The following PTPRN2 variants were observed in gnomAD, a reference collection of about 807,000 sequenced individuals.
The protein encoded by PTPRN2 is receptor-type tyrosine-protein phosphatase N2.
A neutral mutation model predicts 118.8 loss-of-function variants in PTPRN2; 74 were observed. The observed-to-expected ratio is 0.62, with a 90% CI of 0.52 to 0.76. The LOEUF (loss-of-function observed/expected upper bound fraction) is 0.76. Among genes scored for constraint, PTPRN2 ranks in the 30% least tolerant of loss-of-function variants. The probability of loss-of-function intolerance (pLI) is 0.00; values close to 1 mark genes in which losing one functional copy is unlikely to be tolerated. For synonymous variants in PTPRN2, 641 were observed against 608.0 expected (o/e 1.05, Z -0.80); for missense variants, 1,481 against 1,394.4 (o/e 1.06, Z -0.99).
chr7:157,602,443 G>C (rs2150578872), intron 16 of PTPRN2, among the ~76,000 whole-genome samples: 1 of 151,786 alleles, frequency 6.6e-6, no homozygotes, highest in African/African-American at 2.4e-5. Context: ...GCCATCAGTG[G>C]CCGCTGAGAC....
In PTPRN2 at chr7:157,708,543, C is replaced by T. The variant is rs370753876; in HGVS notation, c.1789-25606G>A. Reference sequence around the variant, plus strand: ...TCCAGAGTTGGACGGAGGGGCCGTCCCAGGGCTCTCGGTGAGACTGAGAAG... The same window carrying T: ...TCCAGAGTTGGACGGAGGGGCCGTCTCAGGGCTCTCGGTGAGACTGAGAAG... On this transcript the variant is annotated intron_variant, in intron 12 of 22. Coordinates refer to ENST00000389418, the MANE Select transcript of PTPRN2 (RefSeq NM_002847.5). 3.9e-5 allele frequency among the ~76,000 whole-genome samples: 6 copies of T among 152,068 alleles called. No homozygotes were observed. The East Asian group carries it at 9.7e-4, about 25-fold the overall frequency.
intron 12 of PTPRN2, among the ~76,000 whole-genome samples, chr7:157,818,224 GTGTA>G (rs1341760235): frequency 6.6e-6 from 1 of 152,050 alleles, no homozygotes; most frequent in Non-Finnish European, 1.5e-5. Flanking sequence ...TTGCATGCAT[GTGTA>G]TGTGTGTGCC....
intron 11 of PTPRN2, among the ~76,000 whole-genome samples, chr7:158,067,932 G>A (rs560538783): frequency 1.3e-5 from 2 of 152,326 alleles, no homozygotes; most frequent in Admixed American, 1.3e-4. Context: ...TGGTGAGGCG[G>A]CAGGGTCGGG....
chr7:158,070,324 T>TCA (rs1563386194), intron 11 of PTPRN2, among the ~76,000 whole-genome samples: 8 of 131,002 alleles, frequency 6.1e-5, no homozygotes, highest in Non-Finnish European at 1.3e-4. Context: ...GTGGAGGTGC[T>TCA]CGTGGTGTGG....
chr7:157,873,746 G>A (rs1281366456), intron 12 of PTPRN2, among the ~76,000 whole-genome samples: 1 of 152,124 alleles, frequency 6.6e-6, no homozygotes, highest in Non-Finnish European at 1.5e-5. Flanking sequence ...TGGTCTCTGG[G>A]ATGGGCAGAG....
chr7:157,749,339 CGTCCCTGAGCTACA>C (rs1801283323), intron 12 of PTPRN2, among the ~76,000 whole-genome samples: 1 of 110,728 alleles, frequency 9.0e-6, no homozygotes, highest in African/African-American at 3.7e-5. Flanking sequence ...CTGAGGCCTG[CGTCCCTGAGCTACA>C]GGCTGTTGAG....
intron 2 of PTPRN2, among the ~76,000 whole-genome samples, chr7:158,483,091 G>C (rs903298317): frequency 1.3e-5 from 2 of 152,134 alleles, no homozygotes; most frequent in Non-Finnish European, 2.9e-5. Context: ...TTTGCCCTCC[G>C]ATCACACTTC....
intron 3 of PTPRN2, among the ~76,000 whole-genome samples, chr7:158,303,737 C>T (rs967980185): frequency 2.6e-5 from 4 of 152,252 alleles, no homozygotes; most frequent in Non-Finnish European, 5.9e-5. Flanking sequence ...TGGCAGGCCT[C>T]ATATGAGACA....
At chr7:158,128,502 C>G (rs1585532350) in intron 9 of PTPRN2, among the ~76,000 whole-genome samples, 1 of 152,108 alleles carries the variant, frequency 6.6e-6, no homozygotes, top group Non-Finnish European at 1.5e-5. Context: ...AAAATAAACT[C>G]GAATGCAAAG....
chr7:157,748,746 C>G (rs1459815065), intron 12 of PTPRN2, among the ~76,000 whole-genome samples: 64 of 32,526 alleles, frequency 2.0e-3, no homozygotes, highest in Middle Eastern at 0.024. Flanking sequence ...GTGGGCTGTC[C>G]GGGTGATTCT....
intron 10 of PTPRN2, among the ~76,000 whole-genome samples, chr7:158,100,399 T>A (rs1815138459): frequency 6.6e-6 from 1 of 152,188 alleles, no homozygotes; most frequent in Non-Finnish European, 1.5e-5. Flanking sequence ...TAATGACTTC[T>A]TGTCCTCCAG....
chr7:157,746,202 A>C (rs931889954), intron 12 of PTPRN2, among the ~76,000 whole-genome samples: 5 of 141,942 alleles, frequency 3.5e-5, no homozygotes, highest in African/African-American at 1.4e-4. Context: ...TAGACCCCAC[A>C]GTCCTCATGG....
chr7:158,191,821 C>A (rs1484242485), intron 5 of PTPRN2, among the ~76,000 whole-genome samples: 1 of 152,104 alleles, frequency 6.6e-6, no homozygotes, highest in African/African-American at 2.4e-5. Flanking sequence ...TGCCCACAGG[C>A]AGATGGAGCC....
chr7:157,560,914 CT>C lies in PTPRN2; in HGVS notation c.2902+7987del, dbSNP rs1799155526. Among the ~76,000 whole-genome samples, 1 of 152,178 alleles carries C rather than the reference CT, an allele frequency of 6.6e-6. No homozygotes were observed. The highest frequency in any genetic ancestry group is 1.5e-5 in the Non-Finnish European group (1 of 68,018). The stretch of plus-strand genomic sequence containing the variant: ...AATTCTGCCCAGCCCTCGCGTCCCC[CT>C]AAGTCTCATCTGCAGAAGGCTGAGC... On this transcript the variant is annotated intron_variant, in intron 21 of 22. Transcript: ENST00000389418. This position sits in a 1 kb window ranked among gnomAD's most constrained non-coding sequence, Gnocchi z 6.7.
intron 12 of PTPRN2, among the ~76,000 whole-genome samples, chr7:157,873,536 G>GCA (rs1563195161): frequency 2.5e-4 from 37 of 147,600 alleles, no homozygotes; most frequent in African/African-American, 8.7e-4. Flanking sequence ...CTGTCCTCAA[G>GCA]GTCTGTCTCG....
At chr7:157,781,069 C>G (rs1803650896) in intron 12 of PTPRN2, among the ~76,000 whole-genome samples, 1 of 152,220 alleles carries the variant, frequency 6.6e-6, no homozygotes, top group East Asian at 1.9e-4. Context: ...TAGCCATGCT[C>G]ACTCCCCTCT....
intron 2 of PTPRN2, among the ~76,000 whole-genome samples, chr7:158,369,268 TACAC>T (rs59470664): frequency 1.0e-4 from 15 of 144,944 alleles, no homozygotes; most frequent in Admixed American, 4.8e-4. Context: ...TATACACACA[TACAC>T]ACACACACAC....
rs757713563 is a variant in PTPRN2 at position 157,987,922 on chromosome 7, G to T, written c.1724-89185C>A. 1.3e-5 allele frequency among the ~76,000 whole-genome samples: 2 copies of T among 151,704 alleles called. No homozygotes were observed. The highest frequency in any genetic ancestry group is 2.9e-5 in the Non-Finnish European group (2 of 67,956). On this transcript the variant is annotated intron_variant, in intron 11 of 22. Transcript: ENST00000389418. This position sits in a 1 kb window ranked among gnomAD's most constrained non-coding sequence, Gnocchi z 4.3. ...CCCACGTTAATGCAGCAGGGATCCA[G>T]AGAAGGGTCTCCGGACATCACTGAT...
chr7:158,358,723 T>C (rs1192341488), intron 2 of PTPRN2, among the ~76,000 whole-genome samples: 1 of 152,172 alleles, frequency 6.6e-6, no homozygotes, highest in East Asian at 1.9e-4. Context: ...CATGCTCCGA[T>C]TGCACTGATA....
Sources: allele counts gnomAD v4.1 joint callset (sites outside exome capture counted in the v4.1 genomes callset), GRCh38; gene constraint gnomAD v4.1.1; non-coding constraint Gnocchi (gnomAD v3.1); transcripts MANE v1.5; gene names NCBI Gene and HGNC (gene_info 2026-07-23, HGNC 2026-07-21).